Variants in CNKSR3 observed in about 807,000 individuals in gnomAD.
The protein encoded by CNKSR3 is connector enhancer of kinase suppressor of ras 3.
CNKSR3 carries 36 observed loss-of-function variants against 67.7 expected under a neutral mutation model. The ratio of observed to expected loss-of-function variants is 0.53; its 90% CI spans 0.41 to 0.70. The LOEUF (loss-of-function observed/expected upper bound fraction) is 0.70. Ranked by LOEUF, CNKSR3 falls within the 30% of genes least tolerant of loss-of-function variation. CNKSR3 has a pLI of 0.00. For synonymous variants in CNKSR3, 281 were observed against 271.4 expected (o/e 1.04, Z -0.35); for missense variants, 630 against 695.2 (o/e 0.91, Z 1.05).
rs1411658818 is a variant in CNKSR3, at chr6:154,392,949, T to C, written c.*13405A>G. 6.5e-6 allele frequency: 1 copy of C among 152,700 alleles called. No homozygotes were observed. The allele number at this position is 152,700 out of a possible 1,614,324, so 9.5% of individuals were successfully genotyped here. Reference sequence around the variant, plus strand: ...TTTGTTTGGAGATGGAGTCTCATTCTGTCGCCCAGGCTGGAGTACAGTGGC... The same window carrying C: ...TTTGTTTGGAGATGGAGTCTCATTCCGTCGCCCAGGCTGGAGTACAGTGGC... On this transcript the variant is annotated 3_prime_UTR_variant, in exon 13 of 13. Coordinates refer to ENST00000607772, the MANE Select transcript of CNKSR3 (RefSeq NM_173515.4).
chr6:154,462,964 AAAGG>A (rs1044381914), intron 1 of CNKSR3, among the ~76,000 whole-genome samples: 1 of 152,214 alleles, frequency 6.6e-6, no homozygotes, highest in African/African-American at 2.4e-5. Context: ...AAAGAGAAAA[AAAGG>A]AAGGAAAAGT....
In CNKSR3 at chr6:154,397,137, A is replaced by G. The variant is rs1198617318; in HGVS notation, c.*9217T>C. The G allele has an allele frequency of 1.3e-5, 2 of 152,122 alleles. No homozygotes were observed. The highest frequency in any genetic ancestry group is 2.4e-5 in the African/African-American group (1 of 41,426). 9.4% of individuals were successfully genotyped at this position (152,122 alleles called of 1,614,324 possible). On this transcript the variant is annotated 3_prime_UTR_variant, in exon 13 of 13. Coordinates refer to ENST00000607772, the MANE Select transcript of CNKSR3 (RefSeq NM_173515.4). Reference sequence around the variant, plus strand: ...ATTGTTAGTTTAAATTACCACCTACATGAAGTCTTATACCCTGGCTTTGTA... The same window carrying G: ...ATTGTTAGTTTAAATTACCACCTACGTGAAGTCTTATACCCTGGCTTTGTA...
At chr6:154,422,281 G>A (rs950409451) in intron 9 of CNKSR3, among the ~76,000 whole-genome samples, 6 of 152,146 alleles carry the variant, frequency 3.9e-5, no homozygotes, top group Admixed American at 3.9e-4. Context: ...GTGAGCCACC[G>A]CGCCTGGCCT....
At chr6:154,411,780 T>C (rs1784918390) in intron 10 of CNKSR3, among the ~76,000 whole-genome samples, 1 of 152,122 alleles carries the variant, frequency 6.6e-6, no homozygotes, top group Admixed American at 6.6e-5. Context: ...CACATTAAGG[T>C]ATGCTCTAGC....
chr6:154,485,752 A>G (rs1308119985), intron 1 of CNKSR3, among the ~76,000 whole-genome samples: 1 of 152,190 alleles, frequency 6.6e-6, no homozygotes, highest in Non-Finnish European at 1.5e-5. Context: ...TGGAAACTGA[A>G]GAAGCAACTC....
intron 1 of CNKSR3, among the ~76,000 whole-genome samples, chr6:154,506,529 C>T (rs931824585): frequency 1.3e-5 from 2 of 152,210 alleles, no homozygotes; most frequent in Admixed American, 6.5e-5. Flanking sequence ...TTCCATGAGA[C>T]TCCCTTCTGC....
chr6:154,480,854 A>AATTTATTTGATAGCAGTCTTATGCTT (rs1350080102), intron 1 of CNKSR3, among the ~76,000 whole-genome samples: 10 of 152,332 alleles, frequency 6.6e-5, no homozygotes, highest in Non-Finnish European at 1.3e-4. Flanking sequence ...ATCTTTAAGA[A>AATTTATTTGATAGCAGTCTTATGCTT]ATTTATTTGA....
At chr6:154,413,996 G>A (rs1405795837) in intron 10 of CNKSR3, among the ~76,000 whole-genome samples, 3 of 152,048 alleles carry the variant, frequency 2.0e-5, no homozygotes, top group East Asian at 1.9e-4. Flanking sequence ...TGATCTGCCC[G>A]CCTCAGCCAC....
At chr6:154,407,023 C>G (rs1243079215) in intron 12 of CNKSR3, among the ~76,000 whole-genome samples, 1 of 151,964 alleles carries the variant, frequency 6.6e-6, no homozygotes, top group Non-Finnish European at 1.5e-5. Context: ...CCTGCCCAGA[C>G]TTCTGCCACC....
chr6:154,480,044 G>A (rs1396357202), intron 1 of CNKSR3, among the ~76,000 whole-genome samples: 2 of 152,172 alleles, frequency 1.3e-5, no homozygotes, highest in Admixed American at 6.5e-5. Context: ...AATTTTGGGG[G>A]AAGTAAACTT....
rs1038920161 is a variant in CNKSR3, at chr6:154,455,140, T to C, written c.53-4882A>G. ...GCCTGGCCAACATGGTGAAACCCCA[T>C]CTCTACTAAAAATACAAAAAAAAAA... On this transcript the variant is annotated intron_variant, in intron 1 of 12. Transcript: ENST00000607772. 6.0e-5 allele frequency among the ~76,000 whole-genome samples: 9 copies of C among 149,436 alleles called. 1 individual carries two copies. Among genetic ancestry groups the C allele is most frequent in the Admixed American group, 2.0e-4 (3 of 15,022 alleles).
chr6:154,407,888 A>AC (rs1784833975), intron 12 of CNKSR3, among the ~76,000 whole-genome samples: 1 of 151,278 alleles, frequency 6.6e-6, no homozygotes, highest in Non-Finnish European at 1.5e-5. Context: ...AAAAAAAAAA[A>AC]AAAAAAACCT....
At chr6:154,437,534 C>A (rs1582859089) in intron 4 of CNKSR3, among the ~76,000 whole-genome samples, 1 of 150,826 alleles carries the variant, frequency 6.6e-6, no homozygotes, top group East Asian at 2.0e-4. Context: ...CTGCCTTAGC[C>A]TCCCAAGTAG....
intron 1 of CNKSR3, among the ~76,000 whole-genome samples, chr6:154,506,418 C>T (rs1296922462): frequency 3.9e-5 from 6 of 152,166 alleles, no homozygotes; most frequent in Non-Finnish European, 8.8e-5. Context: ...CATGAGGTGG[C>T]CATGTGACAT....
At chr6:154,499,619 A>G (rs1380490239) in intron 1 of CNKSR3, among the ~76,000 whole-genome samples, 1 of 151,958 alleles carries the variant, frequency 6.6e-6, no homozygotes, top group African/African-American at 2.4e-5. Flanking sequence ...GCCAATCTCT[A>G]CCGGGTTTTT....
In CNKSR3 at chr6:154,394,664, T is replaced by C. The variant is rs963978440; in HGVS notation, c.*11690A>G. 6 of 71,114 alleles carry C rather than the reference T, an allele frequency of 8.4e-5. No homozygotes were observed. Among genetic ancestry groups the C allele is most frequent in the African/African-American group, 3.4e-4 (6 of 17,792 alleles). 4.4% of individuals were successfully genotyped at this position (71,114 alleles called of 1,614,324 possible). A position where few individuals can be genotyped will look rare whatever the true frequency, so the allele number is the denominator to read the frequency against. ...GAATTCCAAAGGAAACAGAAGAAAATAGAAAATAAAAAGCAGAAATCAGTG... is the reference window on the plus strand; with the variant it reads ...GAATTCCAAAGGAAACAGAAGAAAACAGAAAATAAAAAGCAGAAATCAGTG... On this transcript the variant is annotated 3_prime_UTR_variant, in exon 13 of 13. Coordinates refer to ENST00000607772, the MANE Select transcript of CNKSR3 (RefSeq NM_173515.4).
rs1785348290 is a variant in CNKSR3 at position 154,430,712 on chromosome 6, T to C, written c.550-121A>G. On this transcript the variant is annotated intron_variant, in intron 5 of 12. Transcript: ENST00000607772. ...TAGTTCTGGTTGGCAATCATTTTGA[T>C]AATTCTGCTCAGTGAATGCATGGCA... 2.4e-5 allele frequency: 23 copies of C among 944,258 alleles called. 2 individuals are homozygous for C. In the South Asian group the frequency reaches 3.7e-4, roughly 15 times the overall value. The allele number at this position is 944,258 out of a possible 1,614,324, so 58.5% of individuals were successfully genotyped here. A position where few individuals can be genotyped will look rare whatever the true frequency, so the allele number is the denominator to read the frequency against.
intron 9 of CNKSR3, 52 bp from the exon 10 acceptor site, chr6:154,414,475 G>A (rs1462150054): frequency 1.3e-6 from 2 of 1,547,356 alleles, no homozygotes; most frequent in Non-Finnish European, 1.7e-6. Flanking sequence ...ATTCAGAGAT[G>A]ATTCTTGGTG....
At chr6:154,429,105 T>C in intron 6 of CNKSR3, among the ~76,000 whole-genome samples, 1 of 152,168 alleles carries the variant, frequency 6.6e-6, no homozygotes, top group East Asian at 1.9e-4. Flanking sequence ...AATGTATCAT[T>C]GAGGAACTAT....
Sources: allele counts gnomAD v4.1 joint callset (sites outside exome capture counted in the v4.1 genomes callset), GRCh38; gene constraint gnomAD v4.1.1; transcripts MANE v1.5; gene names NCBI Gene and HGNC (gene_info 2026-07-23, HGNC 2026-07-21).